Variants in TMED3 observed in about 807,000 individuals in gnomAD.
The protein encoded by TMED3 is transmembrane p24 trafficking protein 3.
TMED3 carries 9 observed loss-of-function variants against 15.0 expected under a neutral mutation model. The ratio of observed to expected loss-of-function variants is 0.60; its 90% CI spans 0.36 to 1.04. The LOEUF is 1.04. TMED3 is among the 50% of genes least tolerant of loss of function. The pLI is 0.01. For missense variants in TMED3, 267 were observed against 278.9 expected (o/e 0.96, Z 0.30); for synonymous variants, 117 against 121.4 (o/e 0.96, Z 0.24).
intron 2 of TMED3, chr15:79,383,184 T>C: frequency 3.0e-6 from 2 of 666,726 alleles, no homozygotes; most frequent in Non-Finnish European, 5.2e-6. Flanking sequence ...ATTGCTTACG[T>C]GGTAATCAGT....
intron 2 of TMED3, among the ~76,000 whole-genome samples, chr15:79,343,207 G>A (rs905433657): frequency 6.6e-6 from 1 of 152,122 alleles, no homozygotes; most frequent in African/African-American, 2.4e-5. Context: ...TGATGGGACG[G>A]TGCATACAAC....
intron 1 of TMED3, 93 bp from the exon 2 acceptor site, chr15:79,313,664 G>GA: frequency 6.8e-7 from 1 of 1,467,710 alleles, no homozygotes; most frequent in South Asian, 1.4e-5. Flanking sequence ...TGAAGTGACA[G>GA]AAATGTTTGT....
intron 2 of TMED3, among the ~76,000 whole-genome samples, chr15:79,365,157 C>T (rs1417633862): frequency 1.3e-5 from 2 of 152,214 alleles, no homozygotes; most frequent in African/African-American, 4.8e-5. Context: ...GGGAACTCTC[C>T]TGTTTTGCTT....
At chr15:79,364,847 A>G (rs1893199276) in intron 2 of TMED3, among the ~76,000 whole-genome samples, 1 of 152,008 alleles carries the variant, frequency 6.6e-6, no homozygotes, top group Non-Finnish European at 1.5e-5. Flanking sequence ...GTAAAACCCC[A>G]CATTCATCCT....
At chr15:79,361,378 C>T (rs1893125086) in intron 2 of TMED3, among the ~76,000 whole-genome samples, 2 of 152,176 alleles carry the variant, frequency 1.3e-5, no homozygotes, top group Non-Finnish European at 2.9e-5. Context: ...ACTATTTAAA[C>T]ATTCAATATA....
chr15:79,322,904 T>C, downstream of TMED3: 1 of 984,924 alleles, frequency 1.0e-6, no homozygotes, highest in Non-Finnish European at 1.2e-6. Flanking sequence ...AGAGCATGGG[T>C]GTGTGCATAA....
rs2058730121 is a variant in TMED3, at chr15:79,314,069, T to TGTCTAGGCTGGTGGTGGGAGTCATCATCC, written c.417+65_417+93dup. 4 of 1,578,192 alleles carry TGTCTAGGCTGGTGGTGGGAGTCATCATCC rather than the reference T, an allele frequency of 2.5e-6. No homozygotes were observed. The African/African-American group carries it at 5.4e-5, about 21-fold the overall frequency. ...TAGCGTGTTCCTCTTCATTGGCCTC[T>TGTCTAGGCTGGTGGTGGGAGTCATCATCC]GTCTAGGCTGGTGGTGGGAGTCATC... On this transcript the variant is annotated intron_variant, in intron 2 of 2. Transcript: ENST00000299705.
chr15:79,335,752 T>C (rs2058824847), intron 2 of TMED3, among the ~76,000 whole-genome samples: 1 of 152,200 alleles, frequency 6.6e-6, no homozygotes. Context: ...ATACAGCAAA[T>C]TGAAATTGAG....
intron 2 of TMED3, among the ~76,000 whole-genome samples, chr15:79,384,902 G>A (rs796217274): frequency 3.1e-4 from 47 of 152,252 alleles, no homozygotes; most frequent in African/African-American, 1.1e-3. Flanking sequence ...ATTAGAAGCA[G>A]CTGCAGTCCG....
downstream of TMED3, among the ~76,000 whole-genome samples, chr15:79,327,570 G>A (rs938523702): frequency 5.9e-5 from 9 of 152,224 alleles, no homozygotes; most frequent in African/African-American, 2.2e-4. Flanking sequence ...TTCCAGCCCT[G>A]CTGTTTGATC....
At chr15:79,325,280 C>T (rs2058783304), downstream of TMED3, among the ~76,000 whole-genome samples, 1 of 152,156 alleles carries the variant, frequency 6.6e-6, no homozygotes, top group Non-Finnish European at 1.5e-5. Flanking sequence ...GCAAGCTGGT[C>T]TTGGCTCCAA....
chr15:79,369,477 C>T (rs1893296774), intron 2 of TMED3, among the ~76,000 whole-genome samples: 1 of 152,168 alleles, frequency 6.6e-6, no homozygotes, highest in African/African-American at 2.4e-5. Flanking sequence ...CAAAGTGGTA[C>T]ATTTAAAGGT....
chr15:79,335,673 T>C (rs2058824633), intron 2 of TMED3, among the ~76,000 whole-genome samples: 1 of 152,150 alleles, frequency 6.6e-6, no homozygotes, highest in African/African-American at 2.4e-5. Flanking sequence ...AATATACAGC[T>C]GAGGCTAGAC....
At chr15:79,382,641 G>A (rs1893555688) in intron 2 of TMED3, among the ~76,000 whole-genome samples, 2 of 152,158 alleles carry the variant, frequency 1.3e-5, no homozygotes, top group African/African-American at 4.8e-5. Flanking sequence ...CAGCTCCTTT[G>A]GCTCAGAAGT....
intron 2 of TMED3, among the ~76,000 whole-genome samples, chr15:79,376,421 C>A (rs2141247362): frequency 6.6e-6 from 1 of 152,184 alleles, no homozygotes; most frequent in Non-Finnish European, 1.5e-5. Context: ...TTTGCAAACC[C>A]CAGAATTACA....
chr15:79,385,910 G>A (rs1411668308), intron 2 of TMED3, among the ~76,000 whole-genome samples: 1 of 152,136 alleles, frequency 6.6e-6, no homozygotes, highest in Non-Finnish European at 1.5e-5. Flanking sequence ...TTATTATCTT[G>A]ATTTTACAAA....
At chr15:79,409,531 C>T (rs1778272069) in intron 2 of TMED3, among the ~76,000 whole-genome samples, 1 of 152,106 alleles carries the variant, frequency 6.6e-6, no homozygotes, top group African/African-American at 2.4e-5. Flanking sequence ...ATTTGCTGGA[C>T]AATTGTTTCC....
At chr15:79,354,656 G>A (rs1022392577) in intron 2 of TMED3, among the ~76,000 whole-genome samples, 4 of 151,646 alleles carry the variant, frequency 2.6e-5, no homozygotes, top group Non-Finnish European at 5.9e-5. Flanking sequence ...TCAAGGAAAG[G>A]TTCACTAAGG....
intron 2 of TMED3, among the ~76,000 whole-genome samples, chr15:79,363,129 A>T (rs1893163123): frequency 6.6e-6 from 1 of 152,232 alleles, no homozygotes; most frequent in East Asian, 1.9e-4. Flanking sequence ...GAATAAATAG[A>T]TTAGGAATAA....
Sources: allele counts gnomAD v4.1 joint callset (sites outside exome capture counted in the v4.1 genomes callset), GRCh38; gene constraint gnomAD v4.1.1; transcripts MANE v1.5; gene names NCBI Gene and HGNC (gene_info 2026-07-23, HGNC 2026-07-21).